Variants in MMS19 observed in about 807,000 individuals in gnomAD.
MMS19 encodes MMS19 nucleotide excision repair protein homolog.
In MMS19, 77 loss-of-function variants were observed where a neutral mutation model predicts 129.8. The ratio of observed to expected loss-of-function variants is 0.59; its 90% CI spans 0.49 to 0.72. The LOEUF (loss-of-function observed/expected upper bound fraction) is 0.72, where lower values mean the gene tolerates loss of function less well. Among genes scored for constraint, MMS19 ranks in the 30% least tolerant of loss-of-function variants. MMS19 has a pLI of 0.00. For missense variants in MMS19, 1,168 were observed against 1,266.3 expected (o/e 0.92, Z 1.18); for synonymous variants, 491 against 502.8 (o/e 0.98, Z 0.31).
At position 97,466,518 on chromosome 10, in the gene MMS19, C is replaced by G; in HGVS notation, c.1491G>C (p.Glu497Asp). 1 of 1,613,170 alleles carries G rather than the reference C, an allele frequency of 6.2e-7. No individual in the cohort carries two copies. Among genetic ancestry groups the G allele is most frequent in the Non-Finnish European group, 8.5e-7 (1 of 1,179,108 alleles). The change falls in exon 16 of 31, where the codon GAG becomes GAC. Residue 497 changes from glutamate (E) to aspartate (D), a missense_variant. By Grantham distance (45) the Glu-to-Asp change is conservative. This residue lies in a region of MMS19 where 831 missense variants were observed against 910.8 expected (regional missense o/e 0.91). Transcript: ENST00000438925. ...GHLYRLSFLK[E>D]DSQSCRVAAL... is the part of the protein sequence containing the mutation. ...TAAATTCTCACCAACTCTGGGAATC[C>G]TCCTTCAGGAAGCTCAGTCTGTACA...
rs528140935 is a variant in MMS19, at chr10:97,473,027, TTC to T, written c.685-2168_685-2167del. 3.0e-4 allele frequency among the ~76,000 whole-genome samples: 45 copies of T among 152,104 alleles called. No homozygotes were observed. In the South Asian group the frequency reaches 5.4e-3, roughly 18 times the overall value. ...CATGTGCAACTGCATCCAGCTAGAATTCTCTTTTTATTTATTTTTTTTTTTGA... is the reference window on the plus strand; with the variant it reads ...CATGTGCAACTGCATCCAGCTAGAATTCTTTTTATTTATTTTTTTTTTTGA... On this transcript the variant is annotated intron_variant, in intron 8 of 30. Transcript: ENST00000438925.
chr10:97,486,121 C>T (rs921508421), intron 1 of MMS19, among the ~76,000 whole-genome samples: 1 of 152,206 alleles, frequency 6.6e-6, no homozygotes, highest in African/African-American at 2.4e-5. Flanking sequence ...TGTGTGTACA[C>T]ATATACAACA....
At chr10:97,475,534 A>G (rs1318026412) in intron 8 of MMS19, among the ~76,000 whole-genome samples, 2 of 152,000 alleles carry the variant, frequency 1.3e-5, no homozygotes, top group South Asian at 2.1e-4. Flanking sequence ...CAGGGGTTCA[A>G]TATCAGCCTG....
intron 10 of MMS19, among the ~76,000 whole-genome samples, 192 bp downstream of exon 10, chr10:97,469,937 A>G (rs1443869357): frequency 6.6e-6 from 1 of 152,144 alleles, no homozygotes; most frequent in Non-Finnish European, 1.5e-5. Flanking sequence ...GCCTTTCCTC[A>G]GTTACTATGG....
At chr10:97,482,737 TAC>T (rs764606344) in intron 2 of MMS19, among the ~76,000 whole-genome samples, 2,329 of 98,350 alleles carry the variant, frequency 0.024, 31 homozygotes, top group Non-Finnish European at 0.027. Context: ...TGTATATATA[TAC>T]ACACACACAC....
intron 21 of MMS19, 34 bp from the exon 22 acceptor site, chr10:97,461,930 A>T: frequency 6.3e-7 from 1 of 1,584,394 alleles, no homozygotes; most frequent in Non-Finnish European, 8.6e-7. Flanking sequence ...CAAGCCTGCC[A>T]GCAATAAGCT....
chr10:97,482,737 T>TATATAC (rs1369918391), intron 2 of MMS19, among the ~76,000 whole-genome samples: 25 of 98,442 alleles, frequency 2.5e-4, no homozygotes, highest in African/African-American at 8.5e-4. Context: ...TGTATATATA[T>TATATAC]ACACACACAC....
At chr10:97,462,895 C>T in intron 19 of MMS19, 1 of 555,356 alleles carries the variant, frequency 1.8e-6, no homozygotes, top group South Asian at 2.3e-5. Flanking sequence ...CCTGAGAACT[C>T]TGCACAGTCT....
At chr10:97,466,989 G>T in intron 14 of MMS19, 88 bp from the exon 15 acceptor site, 2 of 1,516,530 alleles carry the variant, frequency 1.3e-6, no homozygotes, top group South Asian at 1.2e-5. Context: ...ACCTGGGGTA[G>T]ATTTTTTTTT....
chr10:97,488,606 A>G (rs29001269), intron 1 of MMS19, among the ~76,000 whole-genome samples: 1 of 152,370 alleles, frequency 6.6e-6, no homozygotes, highest in East Asian at 1.9e-4. Context: ...TAGATTACTC[A>G]TAATACTTAA....
chr10:97,482,726 GTGTA>G (rs1316456886), intron 2 of MMS19, among the ~76,000 whole-genome samples: 47 of 104,826 alleles, frequency 4.5e-4, no homozygotes, highest in South Asian at 1.8e-3. Flanking sequence ...GTGTGTGTGT[GTGTA>G]TATATATACA....
At chr10:97,464,118 C>G in intron 18 of MMS19, 105 bp from the exon 19 acceptor site, 1 of 1,022,298 alleles carries the variant, frequency 9.8e-7, no homozygotes, top group Non-Finnish European at 1.4e-6. Flanking sequence ...CTGAAGGGAC[C>G]AAGAGTGCCT....
intron 3 of MMS19, among the ~76,000 whole-genome samples, chr10:97,480,741 C>T (rs559622120): frequency 3.3e-5 from 5 of 152,104 alleles, no homozygotes; most frequent in African/African-American, 7.2e-5. Flanking sequence ...GCCCAGCTAA[C>T]GTTTTATATT....
At position 97,462,280 on chromosome 10, in the gene MMS19, T is replaced by C. The variant is rs578225078; in HGVS notation, c.2013-161A>G. Among the ~76,000 whole-genome samples, 10 of 152,382 alleles carry C rather than the reference T, an allele frequency of 6.6e-5. 3 individuals carry two copies. Among genetic ancestry groups the C allele is most frequent in the African/African-American group, 2.4e-4 (10 of 41,596 alleles). ...TGAACAAATATTAATTTGGCACATA[T>C]GTGCCAGTAATCATTTCCATTCAGG... On this transcript the variant is annotated intron_variant, in intron 20 of 30. Coordinates refer to ENST00000438925, the MANE Select transcript of MMS19 (RefSeq NM_022362.5).
At chr10:97,483,932 T>A (rs1358960748) in intron 2 of MMS19, among the ~76,000 whole-genome samples, 171 bp downstream of exon 2, 2 of 152,248 alleles carry the variant, frequency 1.3e-5, no homozygotes, top group Non-Finnish European at 2.9e-5. Flanking sequence ...TGAAACTTTT[T>A]TCAGGAGAAA....
intron 1 of MMS19, among the ~76,000 whole-genome samples, chr10:97,493,923 G>A (rs775081451): frequency 6.6e-6 from 1 of 152,124 alleles, no homozygotes; most frequent in Non-Finnish European, 1.5e-5. Context: ...GCTGAGGCAG[G>A]AGAATCACTT....
At chr10:97,472,124 T>C (rs553974679) in intron 8 of MMS19, among the ~76,000 whole-genome samples, 1 of 152,298 alleles carries the variant, frequency 6.6e-6, no homozygotes, top group Non-Finnish European at 1.5e-5. Context: ...AGTTTCAATG[T>C]ATCGGGGTGA....
chr10:97,479,584 A>T (rs1389465428), intron 3 of MMS19, among the ~76,000 whole-genome samples: 1 of 152,190 alleles, frequency 6.6e-6, no homozygotes, highest in Non-Finnish European at 1.5e-5. Flanking sequence ...TGTGTGTTAT[A>T]TAACTTCCTG....
At chr10:97,472,519 C>T (rs751435699) in intron 8 of MMS19, among the ~76,000 whole-genome samples, 3 of 152,202 alleles carry the variant, frequency 2.0e-5, no homozygotes, top group African/African-American at 4.8e-5. Context: ...AGATTACAGG[C>T]ATGAGCCACC....
Sources: allele counts gnomAD v4.1 joint callset (sites outside exome capture counted in the v4.1 genomes callset), GRCh38; gene constraint gnomAD v4.1.1; regional missense constraint gnomAD v4.1.1; transcripts MANE v1.5; gene names NCBI Gene and HGNC (gene_info 2026-07-23, HGNC 2026-07-21).